Variants in CENPU observed in about 807,000 individuals in gnomAD.
CENPU encodes the protein KSHV latent nuclear antigen interacting protein 1.
In CENPU, 46 loss-of-function variants were observed where a neutral mutation model predicts 56.7. The ratio of observed to expected loss-of-function variants is 0.81; its 90% CI spans 0.64 to 1.04. The LOEUF is 1.04. Among genes scored for constraint, CENPU ranks in the 50% least tolerant of loss-of-function variants. The probability of loss-of-function intolerance (pLI) is 0.00; values close to 1 mark genes in which losing one functional copy is unlikely to be tolerated. For synonymous variants in CENPU, 166 were observed against 163.0 expected, an observed-to-expected ratio of 1.02 and a Z score of -0.14; for missense variants, 510 against 490.1, an observed-to-expected ratio of 1.04 and a Z score of -0.38.
Position 184,694,540 on chromosome 4 carries a change from G to T in CENPU, c.*748C>A. ...AATAAAGGAAGAAGAGTTTACAACA[G>T]ATGAAGCAGATGAAACTAGGAGCAA... is the stretch of plus-strand genomic sequence containing the variant. On this transcript the variant is annotated 3_prime_UTR_variant, in exon 13 of 13. Coordinates refer to ENST00000281453, the MANE Select transcript of CENPU (RefSeq NM_024629.4). 6.3e-7 allele frequency: 1 copy of T among 1,581,876 alleles called. No individual in the cohort carries two copies. The highest frequency in any genetic ancestry group is 8.5e-7 in the Non-Finnish European group (1 of 1,178,354).
At chr4:184,696,036 C>T (rs1021589973) in intron 12 of CENPU, among the ~76,000 whole-genome samples, 2 of 152,144 alleles carry the variant, frequency 1.3e-5, no homozygotes, top group Admixed American at 1.3e-4. Flanking sequence ...AGTCAAACTT[C>T]CAGTTGCAAA....
chr4:184,730,474 G>GA lies in CENPU; in HGVS notation c.96+445dup, dbSNP rs988951158. Among the ~76,000 whole-genome samples, 7 of 139,224 alleles carry GA rather than the reference G, an allele frequency of 5.0e-5. 1 individual carries two copies. Among genetic ancestry groups the GA allele is most frequent in the Non-Finnish European group, 6.3e-5 (4 of 63,194 alleles). The allele number at this position is 139,224 out of a possible 152,430, so 91.3% of individuals were successfully genotyped here. A position where few individuals can be genotyped will look rare whatever the true frequency, so the allele number is the denominator to read the frequency against. Reference sequence around the variant, plus strand: ...ACAATGTCAATCACACAAGCCACTGGAAAAAAAAACTGGAATTAGCTATCA... The same window carrying GA: ...ACAATGTCAATCACACAAGCCACTGGAAAAAAAAAACTGGAATTAGCTATCA... On this transcript the variant is annotated intron_variant, in intron 2 of 12. Coordinates refer to ENST00000281453, the MANE Select transcript of CENPU (RefSeq NM_024629.4).
chr4:184,733,394 G>A (rs1189325937), intron 1 of CENPU: 23 of 992,348 alleles, frequency 2.3e-5, no homozygotes, highest in South Asian at 9.0e-5. Context: ...AGCAAGCCGA[G>A]ACCCTTCCCG....
At chr4:184,729,143 C>T (rs569594818) in intron 2 of CENPU, 108 bp from the exon 3 acceptor site, 15 of 821,884 alleles carry the variant, frequency 1.8e-5, no homozygotes, top group Admixed American at 8.0e-5. Context: ...GGAAGCAATC[C>T]TTATGCATGG....
intron 4 of CENPU, among the ~76,000 whole-genome samples, chr4:184,719,700 C>T (rs185182397): frequency 1.3e-5 from 2 of 152,260 alleles, no homozygotes; most frequent in Non-Finnish European, 1.5e-5. Flanking sequence ...TCCCCCAGGC[C>T]CAGGCAGCAC....
chr4:184,698,544 A>G (rs1480203475), intron 11 of CENPU, among the ~76,000 whole-genome samples: 1 of 152,048 alleles, frequency 6.6e-6, no homozygotes, highest in African/African-American at 2.4e-5. Flanking sequence ...TCCGCCTCCC[A>G]GGTTCAAGTG....
In CENPU at chr4:184,731,221, G is replaced by C. The variant is rs72707706; in HGVS notation, c.48-253C>G. Among the ~76,000 whole-genome samples the C allele has an allele frequency of 1.8e-3, 274 of 152,290 alleles. 1 individual carries two copies. The highest frequency in any genetic ancestry group is 2.6e-3 in the Non-Finnish European group (175 of 68,028). On this transcript the variant is annotated intron_variant, in intron 1 of 12. Coordinates refer to ENST00000281453, the MANE Select transcript of CENPU (RefSeq NM_024629.4). ...AGGCCTTAATCAATCAGCAGTGATTGACTTTCTCTGCACAGCTGAACAAAG... is the reference window on the plus strand; with the variant it reads ...AGGCCTTAATCAATCAGCAGTGATTCACTTTCTCTGCACAGCTGAACAAAG...
chr4:184,704,627 A>G (rs1449326312), intron 8 of CENPU, among the ~76,000 whole-genome samples: 1 of 152,216 alleles, frequency 6.6e-6, no homozygotes, highest in African/African-American at 2.4e-5. Flanking sequence ...ATTCTGACAC[A>G]TGCTATGACA....
intron 11 of CENPU, among the ~76,000 whole-genome samples, chr4:184,700,112 C>T (rs780498093): frequency 6.6e-6 from 1 of 152,172 alleles, no homozygotes; most frequent in Non-Finnish European, 1.5e-5. Flanking sequence ...ACTACCAAGC[C>T]TCTAGCTCTC....
rs1579746189 is a variant in CENPU, at chr4:184,695,099, C to G, written c.*189G>C. 1 of 552,960 alleles carries G rather than the reference C, an allele frequency of 1.8e-6. No individual in the cohort carries two copies. The highest frequency in any genetic ancestry group is 3.0e-5 in the East Asian group (1 of 33,880). The allele number at this position is 552,960 out of a possible 1,614,324, so 34.3% of individuals were successfully genotyped here. On this transcript the variant is annotated 3_prime_UTR_variant, in exon 13 of 13. Coordinates refer to ENST00000281453, the MANE Select transcript of CENPU (RefSeq NM_024629.4). ...TATTAACCAGAAAAGATGATTATGG[C>G]CTTTAAAACTATTGGACAAACTGAT...
rs773486439 is a variant in CENPU at position 184,694,519 on chromosome 4, A to T, written c.*769T>A. 2.5e-6 allele frequency: 4 copies of T among 1,607,400 alleles called. No homozygotes were observed. The highest frequency in any genetic ancestry group is 1.7e-6 in the Non-Finnish European group (2 of 1,175,914). On this transcript the variant is annotated 3_prime_UTR_variant, in exon 13 of 13. Coordinates refer to ENST00000281453, the MANE Select transcript of CENPU (RefSeq NM_024629.4). ...TCTCTATCCCTTCACCACTGAAATA[A>T]AGGAAGAAGAGTTTACAACAGATGA...
intron 8 of CENPU, among the ~76,000 whole-genome samples, chr4:184,705,704 A>C (rs1183019112): frequency 6.6e-6 from 1 of 152,230 alleles, no homozygotes; most frequent in African/African-American, 2.4e-5. Context: ...AAGCAACCCA[A>C]GTGTCAACTG....
In CENPU at chr4:184,697,946, A is replaced by G. The variant is rs544101061; in HGVS notation, c.987-143T>C. The stretch of plus-strand genomic sequence containing the variant: ...TTGGCTCTGAAACTACGAATGTGTA[A>G]AAGATTCTGGGTTTCAGTTTAAAAT... On this transcript the variant is annotated intron_variant, in intron 11 of 12. Coordinates refer to ENST00000281453, the MANE Select transcript of CENPU (RefSeq NM_024629.4). 1.4e-4 allele frequency: 82 copies of G among 588,802 alleles called. No homozygotes were observed. The South Asian group carries it at 1.4e-3, about 10-fold the overall frequency. 36.5% of individuals were successfully genotyped at this position (588,802 alleles called of 1,614,324 possible).
intron 7 of CENPU, among the ~76,000 whole-genome samples, chr4:184,711,349 G>A (rs1333383869): frequency 2.6e-5 from 4 of 152,060 alleles, no homozygotes; most frequent in African/African-American, 9.7e-5. Context: ...ATACATGTAT[G>A]TATTGTGTAA....
Position 184,734,052 on chromosome 4 carries a change from C to G in CENPU, c.11G>C (p.Arg4Pro), listed in dbSNP as rs1379694675. The G allele has an allele frequency of 3.8e-6, 6 of 1,568,180 alleles. No homozygotes were observed. The highest frequency in any genetic ancestry group is 4.3e-6 in the Non-Finnish European group (5 of 1,158,568). The change falls in exon 1 of 13, where the codon CGG becomes CCG. Residue 4 changes from arginine (R) to proline (P), a missense_variant. Coordinates refer to ENST00000281453, the MANE Select transcript of CENPU (RefSeq NM_024629.4). MAP[R>P]GRRRPRPHRS... is the part of the protein sequence containing the mutation. ...GTGAGGCCGCGGCCGCCGCCGCCCCCGCGGGGCCATGGTGCCGCTCTCCGC... is the reference window on the plus strand; with the variant it reads ...GTGAGGCCGCGGCCGCCGCCGCCCCGGCGGGGCCATGGTGCCGCTCTCCGC...
intron 4 of CENPU, among the ~76,000 whole-genome samples, chr4:184,721,131 G>A (rs1464635852): frequency 6.6e-6 from 1 of 152,136 alleles, no homozygotes; most frequent in African/African-American, 2.4e-5. Context: ...TAAAGGTGTA[G>A]TTTTTATTAG....
intron 12 of CENPU, among the ~76,000 whole-genome samples, chr4:184,696,465 T>G (rs533617705): frequency 6.6e-6 from 1 of 152,314 alleles, no homozygotes; most frequent in African/African-American, 2.4e-5. Context: ...TCAAGCTGAA[T>G]CAATGCTACA....
At chr4:184,708,936 T>C (rs891967310) in intron 8 of CENPU, among the ~76,000 whole-genome samples, 4 of 152,212 alleles carry the variant, frequency 2.6e-5, no homozygotes, top group African/African-American at 9.7e-5. Flanking sequence ...TCTATCTACC[T>C]TAATTTAGAA....
chr4:184,713,319 G>A (rs929686690), intron 6 of CENPU, among the ~76,000 whole-genome samples: 2 of 152,108 alleles, frequency 1.3e-5, no homozygotes, highest in African/African-American at 2.4e-5. Flanking sequence ...TGAACCTGGC[G>A]GGAATCGGAG....
Sources: allele counts gnomAD v4.1 joint callset (sites outside exome capture counted in the v4.1 genomes callset), GRCh38; gene constraint gnomAD v4.1.1; transcripts MANE v1.5; gene names NCBI Gene and HGNC (gene_info 2026-07-23, HGNC 2026-07-21).